The following ZNF521 variants were observed in gnomAD, a reference collection of about 807,000 sequenced individuals.
ZNF521 encodes the protein LYST-interacting protein 3.
ZNF521 carries 14 observed loss-of-function variants against 105.5 expected under a neutral mutation model. The ratio of observed to expected loss-of-function variants is 0.13; its 90% CI spans 0.09 to 0.21. The LOEUF is 0.21. Among genes scored for constraint, ZNF521 ranks in the 10% least tolerant of loss-of-function variants. The pLI is 1.00. For synonymous variants in ZNF521, 635 were observed against 606.0 expected (o/e 1.05, Z -0.70); for missense variants, 1,233 against 1,629.7 (o/e 0.76, Z 4.19).
At chr18:25,186,879 T>TA (rs2035730978) in intron 5 of ZNF521, among the ~76,000 whole-genome samples, 1 of 145,554 alleles carries the variant, frequency 6.9e-6, no homozygotes, top group Non-Finnish European at 1.5e-5. Flanking sequence ...ACCCACCACT[T>TA]ACTTACATGG....
chr18:25,103,015 C>T (rs1026247037), intron 5 of ZNF521, among the ~76,000 whole-genome samples: 1 of 152,086 alleles, frequency 6.6e-6, no homozygotes, highest in Non-Finnish European at 1.5e-5. Flanking sequence ...TCTCTCTCAC[C>T]CCTTGAAAGC....
intron 5 of ZNF521, among the ~76,000 whole-genome samples, chr18:25,100,210 CTGA>C (rs1417758228): frequency 6.6e-6 from 1 of 151,734 alleles, no homozygotes; most frequent in African/African-American, 2.4e-5. Context: ...CTTGCTACTG[CTGA>C]TGATTTTTTA....
chr18:25,134,185 G>A (rs7228750), intron 5 of ZNF521, among the ~76,000 whole-genome samples: 24,817 of 152,050 alleles, frequency 0.16, 2,051 homozygotes, highest in Middle Eastern at 0.23. Context: ...GGCTTGCAGA[G>A]TGGCTGCAAG....
intron 4 of ZNF521, among the ~76,000 whole-genome samples, chr18:25,218,353 G>C (rs893082032): frequency 6.6e-6 from 1 of 151,782 alleles, no homozygotes; most frequent in Non-Finnish European, 1.5e-5. Flanking sequence ...GATGGTGGGA[G>C]GAGTTGATTC....
At chr18:25,184,254 A>C (rs1239578944) in intron 5 of ZNF521, among the ~76,000 whole-genome samples, 2 of 152,184 alleles carry the variant, frequency 1.3e-5, no homozygotes, top group African/African-American at 2.4e-5. Flanking sequence ...TGCCTTTTAA[A>C]TAAGTTAATA....
chr18:25,195,278 C>G (rs754515645), intron 4 of ZNF521, 34 bp from the exon 5 acceptor site: 2 of 1,451,356 alleles, frequency 1.4e-6, no homozygotes, highest in African/African-American at 2.9e-5. Flanking sequence ...GTTACTTAGA[C>G]ACATGGACTT....
At chr18:25,237,823 C>T (rs2144783203) in intron 3 of ZNF521, among the ~76,000 whole-genome samples, 1 of 152,250 alleles carries the variant, frequency 6.6e-6, no homozygotes, top group Admixed American at 6.5e-5. Flanking sequence ...ACCTCTGGGT[C>T]TGACTTTAGG....
intron 5 of ZNF521, among the ~76,000 whole-genome samples, chr18:25,158,360 T>C (rs1227982560): frequency 1.3e-5 from 2 of 152,072 alleles, no homozygotes; most frequent in Non-Finnish European, 2.9e-5. Flanking sequence ...AATGCTACAA[T>C]GTACCACCTC....
intron 5 of ZNF521, among the ~76,000 whole-genome samples, chr18:25,095,482 T>G (rs929040990): frequency 6.6e-6 from 1 of 152,222 alleles, no homozygotes; most frequent in African/African-American, 2.4e-5. Context: ...GCCCTATTTT[T>G]TAATTAAGAA....
intron 2 of ZNF521, among the ~76,000 whole-genome samples, chr18:25,332,316 A>T (rs1198085468): frequency 6.7e-6 from 1 of 149,448 alleles, no homozygotes. Context: ...CTATAACATA[A>T]GGCACAAATT....
intron 3 of ZNF521, among the ~76,000 whole-genome samples, chr18:25,305,633 C>T (rs1349977116): frequency 6.6e-6 from 1 of 152,128 alleles, no homozygotes; most frequent in Non-Finnish European, 1.5e-5. Flanking sequence ...AACTAATTTT[C>T]ATTTCCTCCA....
chr18:25,199,039 T>A (rs2035947937), intron 4 of ZNF521, among the ~76,000 whole-genome samples: 1 of 151,984 alleles, frequency 6.6e-6, no homozygotes, highest in Non-Finnish European at 1.5e-5. Context: ...CAATATGAAG[T>A]ATACATCACC....
chr18:25,179,105 T>A (rs1567996609), intron 5 of ZNF521, among the ~76,000 whole-genome samples: 1 of 149,706 alleles, frequency 6.7e-6, no homozygotes, highest in Non-Finnish European at 1.5e-5. Context: ...TATACTTCTT[T>A]TTCTTTATTC....
At chr18:25,342,939 T>C (rs1025426604) in intron 2 of ZNF521, among the ~76,000 whole-genome samples, 3 of 152,200 alleles carry the variant, frequency 2.0e-5, no homozygotes, top group Non-Finnish European at 4.4e-5. Context: ...AGAACACGTA[T>C]GAAATGCTGG....
rs528211743 is a variant in ZNF521 at position 25,319,180 on chromosome 18, GAATAA to G, written c.220+2823_220+2827del. 2.6e-5 allele frequency among the ~76,000 whole-genome samples: 4 copies of G among 152,154 alleles called. No individual in the cohort carries two copies. The South Asian group carries it at 8.3e-4, about 32-fold the overall frequency. ...TGAGAGTAATGAATTATGACCCACT[GAATAA>G]AATAAAAACCCAAGAGATGACAGTA... On this transcript the variant is annotated intron_variant, in intron 3 of 7. Transcript: ENST00000361524.
chr18:25,268,074 T>C (rs547101099), intron 3 of ZNF521, among the ~76,000 whole-genome samples: 3 of 152,260 alleles, frequency 2.0e-5, no homozygotes, highest in African/African-American at 7.2e-5. Flanking sequence ...TAACCAGTTT[T>C]GAGAAGAACA....
In ZNF521 at chr18:25,225,676, C is replaced by T; in HGVS notation, c.2242G>A (p.Glu748Lys). The T allele has an allele frequency of 2.5e-6, 4 of 1,614,160 alleles. No homozygotes were observed. Among genetic ancestry groups the T allele is most frequent in the Non-Finnish European group, 3.4e-6 (4 of 1,180,014 alleles). The change falls in exon 4 of 8, where the codon GAA becomes AAA. Residue 748 changes from glutamate to lysine, a missense_variant. Physicochemically the swap from Glu to Lys is moderately conservative, Grantham distance 56. Coordinates refer to ENST00000361524, the MANE Select transcript of ZNF521 (RefSeq NM_015461.3). The surrounding 1 kb of genome is among the most constrained non-coding windows in gnomAD (Gnocchi z 5.6). ...GATGTGCACCTATAGACTTTCTTTTCGTTACTGTGCTTCACAGCCAAGTGG... is the reference window on the plus strand; with the variant it reads ...GATGTGCACCTATAGACTTTCTTTTTGTTACTGTGCTTCACAGCCAAGTGG... ...QLHLAVKHSN[E>K]KKVYRCTSCN...
chr18:25,249,441 G>A (rs1448273570), intron 3 of ZNF521, among the ~76,000 whole-genome samples: 5 of 150,572 alleles, frequency 3.3e-5, no homozygotes, highest in African/African-American at 9.8e-5. Context: ...ACAGGCTTGA[G>A]CCACCACGCC....
intron 5 of ZNF521, among the ~76,000 whole-genome samples, chr18:25,095,100 T>A (rs879721985): frequency 3.3e-5 from 5 of 152,168 alleles, no homozygotes; most frequent in African/African-American, 7.2e-5. Flanking sequence ...GGGGGGGATC[T>A]GGCTGAGTTA....
Sources: allele counts gnomAD v4.1 joint callset (sites outside exome capture counted in the v4.1 genomes callset), GRCh38; gene constraint gnomAD v4.1.1; non-coding constraint Gnocchi (gnomAD v3.1); transcripts MANE v1.5; gene names NCBI Gene and HGNC (gene_info 2026-07-23, HGNC 2026-07-21).